Variants in CAD observed in about 807,000 individuals in gnomAD.
The protein encoded by CAD is carbamoyl-phosphate synthetase 2, aspartate transcarbamylase, and dihydroorotase, also known as multifunctional protein CAD.
In CAD, 81 loss-of-function variants were observed where a neutral mutation model predicts 237.2. The observed-to-expected ratio is 0.34, with a 90% CI of 0.29 to 0.41. CAD has a LOEUF of 0.41. CAD is among the 10% of genes least tolerant of loss of function. CAD has a pLI of 1.00. For synonymous variants in CAD, 1,196 were observed against 1,162.8 expected (o/e 1.03, Z -0.58); for missense variants, 2,181 against 2,951.7 (o/e 0.74, Z 6.05).
Position 27,236,416 on chromosome 2 carries a change from C to G in CAD, c.4207C>G (p.Arg1403Gly), listed in dbSNP as rs1366965500. 1 of 1,614,164 alleles carries G rather than the reference C, an allele frequency of 6.2e-7. No homozygotes were observed. The highest frequency in any genetic ancestry group is 2.2e-5 in the East Asian group (1 of 44,886). Residue 1403 changes from arginine (R) to glycine (G), a missense_variant, in exon 26 of 44, where the codon CGG (arginine) becomes GGG (glycine). Transcript: ENST00000264705. The surrounding 1 kb of genome is among the most constrained non-coding windows in gnomAD (Gnocchi z 4.1). ...INLSMRGAGG[R>G]RLSSFVTKGY... ...CCTGTCAATGCGTGGAGCTGGGGGC[C>G]GGCGTCTCTCTTCCTTTGTCACCAA...
At chr2:27,222,465 T>C (rs1314742056) in intron 4 of CAD, 54 bp from the exon 5 acceptor site, 29 of 1,602,040 alleles carry the variant, frequency 1.8e-5, no homozygotes, top group Non-Finnish European at 2.4e-5. Flanking sequence ...AGGCATATCT[T>C]ATACCCACTG....
intron 16 of CAD, 46 bp downstream of exon 16, chr2:27,231,626 C>G: frequency 8.8e-7 from 1 of 1,136,570 alleles, no homozygotes; most frequent in African/African-American, 1.5e-5. Flanking sequence ...ATAGACCCTG[C>G]TTCTCATCGC....
At chr2:27,226,670 T>A in intron 14 of CAD, 21 bp downstream of exon 14, 1 of 1,613,654 alleles carries the variant, frequency 6.2e-7, no homozygotes, top group African/African-American at 1.3e-5. Context: ...GAGGGAGATA[T>A]CACAGTGGGG....
In CAD at chr2:27,223,939, C is replaced by G; in HGVS notation, c.1018C>G (p.Gln340Glu). Residue 340 changes from glutamine (Q) to glutamate (E), a missense_variant, in exon 8 of 44, where the codon CAA becomes GAA. Gln to Glu is a conservative substitution (Grantham distance 29, BLOSUM62 2). Transcript: ENST00000264705. ...FFSVQFHPEH[Q>E]AGPSDMELLF... The stretch of plus-strand genomic sequence containing the variant: ...TAGTGTCCAGTTTCACCCAGAGCAC[C>G]AAGCTGGCCCTTCAGATATGGAACT... 2 of 1,613,644 alleles carry G rather than the reference C, an allele frequency of 1.2e-6. No homozygotes were observed. The highest frequency in any genetic ancestry group is 2.7e-5 in the African/African-American group (2 of 75,044).
chr2:27,218,579 C>G (rs1483991928), intron 2 of CAD, among the ~76,000 whole-genome samples: 24 of 152,078 alleles, frequency 1.6e-4, no homozygotes, highest in Admixed American at 1.4e-3. Context: ...GCCAGTTTAC[C>G]TACAAAACCA....
chr2:27,237,944 C>T lies in CAD; in HGVS notation c.4728+62C>T. 1.3e-6 allele frequency: 2 copies of T among 1,574,954 alleles called. No individual in the cohort carries two copies. Among genetic ancestry groups the T allele is most frequent in the South Asian group, 2.4e-5 (2 of 84,984 alleles). Reference sequence around the variant, plus strand: ...GTGTCTCCTGGCTTGTGGGCCCCTGCCTAAGTGGGCTGGTAGCAGTGAGGA... The same window carrying T: ...GTGTCTCCTGGCTTGTGGGCCCCTGTCTAAGTGGGCTGGTAGCAGTGAGGA... On this transcript the variant is annotated intron_variant, in intron 29 of 43. Coordinates refer to ENST00000264705, the MANE Select transcript of CAD (RefSeq NM_004341.5). This position sits in a 1 kb window ranked among gnomAD's most constrained non-coding sequence, Gnocchi z 4.0.
Position 27,237,828 on chromosome 2 carries a change from C to T in CAD, c.4674C>T (p.Tyr1558=), listed in dbSNP as rs372974525. 16 of 1,614,042 alleles carry T rather than the reference C, an allele frequency of 9.9e-6. No individual in the cohort carries two copies. In the African/African-American group the frequency reaches 1.7e-4, roughly 17 times the overall value. ...VAGSAAGLKL[Y]LNETFSELRL... ...GGTCTGCAGCCGGGCTGAAGCTTTA[C>T]CTCAATGAGACCTTCTCTGAGCTGC... is the stretch of plus-strand genomic sequence containing the variant. Residue 1558 remains tyrosine, a synonymous_variant, in exon 29 of 44, where the codon TAC becomes TAT. Coordinates refer to ENST00000264705, the MANE Select transcript of CAD (RefSeq NM_004341.5). The surrounding 1 kb of genome is among the most constrained non-coding windows in gnomAD (Gnocchi z 4.0).
In CAD at chr2:27,221,200, ATC is replaced by A; in HGVS notation, c.223-14_223-13del. ...ATAACTTGGCCTGAGGCTTCTCACA[ATC>A]TCTTTCCATCTACAGTGGTTTGAAT... On this transcript the variant is annotated splice_polypyrimidine_tract_variant and intron_variant, in intron 2 of 43. Transcript: ENST00000264705. The A allele has an allele frequency of 1.3e-6, 2 of 1,486,522 alleles. No individual in the cohort carries two copies. The highest frequency in any genetic ancestry group is 1.8e-6 in the Non-Finnish European group (2 of 1,108,386). The allele number at this position is 1,486,522 out of a possible 1,614,324, so 92.1% of individuals were successfully genotyped here.
Position 27,240,491 on chromosome 2 carries a change from C to A in CAD, c.5593+130C>A. ...ATCCTCGTCTGATCTGCCGTGCCAT[C>A]CTTTGCCTAAACAAGTCTCCCCGGT... On this transcript the variant is annotated intron_variant, in intron 35 of 43. Coordinates refer to ENST00000264705, the MANE Select transcript of CAD (RefSeq NM_004341.5). This position sits in a 1 kb window ranked among gnomAD's most constrained non-coding sequence, Gnocchi z 4.6. 1 of 1,504,870 alleles carries A rather than the reference C, an allele frequency of 6.6e-7. No homozygotes were observed. The highest frequency in any genetic ancestry group is 1.4e-5 in the African/African-American group (1 of 72,252). The allele number at this position is 1,504,870 out of a possible 1,614,324, so 93.2% of individuals were successfully genotyped here. A position where few individuals can be genotyped will look rare whatever the true frequency, so the allele number is the denominator to read the frequency against.
Position 27,240,990 on chromosome 2 carries a change from G to A in CAD, c.5638+35G>A, listed in dbSNP as rs1346279029. 1 of 1,613,936 alleles carries A rather than the reference G, an allele frequency of 6.2e-7. No homozygotes were observed. Among genetic ancestry groups the A allele is most frequent in the African/African-American group, 1.3e-5 (1 of 74,894 alleles). ...CACCCTGACACACACTCACCTCGGG[G>A]ACCTCTGATCTGGCCTTGGTAGGAG... On this transcript the variant is annotated intron_variant, in intron 36 of 43. Transcript: ENST00000264705. The surrounding 1 kb of genome is among the most constrained non-coding windows in gnomAD (Gnocchi z 4.6).
intron 15 of CAD, among the ~76,000 whole-genome samples, chr2:27,231,153 C>G (rs1675731407): frequency 6.6e-6 from 1 of 152,160 alleles, no homozygotes; most frequent in Admixed American, 6.5e-5. Context: ...CTACAGGCGC[C>G]CGCCACCACT....
chr2:27,230,777 T>C (rs988169507), intron 15 of CAD, among the ~76,000 whole-genome samples: 1 of 152,260 alleles, frequency 6.6e-6, no homozygotes, highest in Non-Finnish European at 1.5e-5. Flanking sequence ...AGAATTCCAG[T>C]TGGTGTTATG....
chr2:27,228,482 G>A (rs531941067), intron 15 of CAD, among the ~76,000 whole-genome samples: 5 of 152,320 alleles, frequency 3.3e-5, no homozygotes, highest in Admixed American at 1.3e-4. Flanking sequence ...CCAGCACTTT[G>A]GAAAGCTCAG....
At position 27,217,530 on chromosome 2, in the gene CAD, C is replaced by G. The variant is rs762052886; in HGVS notation, c.-22C>G. ...TCCTTCCCGCTTCTCCGTACTCGCCCCCGCCTCTGAGCTCCCTTCCCATGG... is the reference window on the plus strand; with the variant it reads ...TCCTTCCCGCTTCTCCGTACTCGCCGCCGCCTCTGAGCTCCCTTCCCATGG... On this transcript the variant is annotated 5_prime_UTR_variant, in exon 1 of 44. Transcript: ENST00000264705. The G allele has an allele frequency of 4.7e-5, 75 of 1,588,838 alleles. No homozygotes were observed. Among genetic ancestry groups the G allele is most frequent in the Non-Finnish European group, 5.9e-5 (69 of 1,166,068 alleles).
rs748722932 is a variant in CAD at position 27,239,806 on chromosome 2, C to T, written c.5496+8C>T. On this transcript the variant is annotated splice_region_variant and intron_variant, in intron 34 of 43. Transcript: ENST00000264705. This position sits in a 1 kb window ranked among gnomAD's most constrained non-coding sequence, Gnocchi z 4.0. ...ACTAGTGAGATGACCACGGTATCCACACTACTGGGCTAGGGGGCTGGGAGG... is the reference window on the plus strand; with the variant it reads ...ACTAGTGAGATGACCACGGTATCCATACTACTGGGCTAGGGGGCTGGGAGG... The T allele has an allele frequency of 1.3e-6, 2 of 1,525,842 alleles. No individual in the cohort carries two copies. The highest frequency in any genetic ancestry group is 4.3e-5 in the Admixed American group (2 of 46,646). The allele number at this position is 1,525,842 out of a possible 1,614,324, so 94.5% of individuals were successfully genotyped here.
intron 6 of CAD, 133 bp from the exon 7 acceptor site, chr2:27,223,430 C>CAAAAAA: frequency 1.6e-6 from 1 of 622,846 alleles, no homozygotes; most frequent in Non-Finnish European, 2.5e-6. Context: ...GACTCCGTCT[C>CAAAAAA]AAAAAAAAAA....
At position 27,237,643 on chromosome 2, in the gene CAD, C is replaced by A; in HGVS notation, c.4564-75C>A. ...TTTTCCTTCTGCCCCGCCCTATGGG[C>A]CCAGGCCACTGGTGCCAGGCTAGCC... On this transcript the variant is annotated intron_variant, in intron 28 of 43. Coordinates refer to ENST00000264705, the MANE Select transcript of CAD (RefSeq NM_004341.5). The surrounding 1 kb of genome is among the most constrained non-coding windows in gnomAD (Gnocchi z 4.0). The A allele has an allele frequency of 6.4e-7, 1 of 1,574,538 alleles. No homozygotes were observed. Among genetic ancestry groups the A allele is most frequent in the Non-Finnish European group, 8.6e-7 (1 of 1,157,752 alleles).
At position 27,237,321 on chromosome 2, in the gene CAD, G is replaced by T. The variant is rs925503127; in HGVS notation, c.4397-58G>T. On this transcript the variant is annotated intron_variant, in intron 27 of 43. Transcript: ENST00000264705. This position sits in a 1 kb window ranked among gnomAD's most constrained non-coding sequence, Gnocchi z 4.0. ...TTACAGGCGTGAGCCACCATGTCCA[G>T]CTCACCCTTCCTATTTCTGAATCTT... The T allele has an allele frequency of 1.3e-6, 2 of 1,576,424 alleles. No homozygotes were observed. The highest frequency in any genetic ancestry group is 2.7e-5 in the African/African-American group (2 of 74,320).
intron 4 of CAD, 41 bp downstream of exon 4, chr2:27,222,377 A>C (rs777966388): frequency 6.3e-7 from 1 of 1,593,896 alleles, no homozygotes; most frequent in African/African-American, 1.3e-5. Flanking sequence ...GCTCTAGCAC[A>C]GTAGTTATAT....
Sources: gnomAD v4.1 joint callset for allele counts (sites outside exome capture counted in the v4.1 genomes callset) on GRCh38, gnomAD v4.1.1 for gene constraint, Gnocchi (gnomAD v3.1) non-coding constraint, MANE v1.5 for transcripts, NCBI Gene and HGNC (gene_info 2026-07-23, HGNC 2026-07-21) for gene names.